The following CAST variants were observed in gnomAD, a reference collection of about 807,000 sequenced individuals.
CAST encodes the protein calpastatin.
Under a neutral mutation model 119.6 loss-of-function variants are expected in CAST, and 76 were observed. The ratio of observed to expected loss-of-function variants is 0.64; its 90% confidence interval spans 0.53 to 0.77. The LOEUF (loss-of-function observed/expected upper bound fraction) is 0.77, where lower values mean the gene tolerates loss of function less well. CAST is among the 30% of genes least tolerant of loss of function. The probability of loss-of-function intolerance (pLI) is 0.00; values close to 1 mark genes in which losing one functional copy is unlikely to be tolerated. For missense variants in CAST, 953 were observed against 946.5 expected, an observed-to-expected ratio of 1.01 and a Z score of -0.09; for synonymous variants, 319 against 331.6, an observed-to-expected ratio of 0.96 and a Z score of 0.41.
intron 1 of CAST, among the ~76,000 whole-genome samples, chr5:96,644,965 G>A (rs1747997400): frequency 6.6e-6 from 1 of 152,184 alleles, no homozygotes; most frequent in African/African-American, 2.4e-5. Flanking sequence ...GACAGAGTGA[G>A]AGTGTCTCAA....
chr5:96,195,771 C>T, the CAST span, among the ~76,000 whole-genome samples: 5 of 152,126 alleles, frequency 3.3e-5, no homozygotes, highest in Admixed American at 6.5e-5. Flanking sequence ...AAACAGATAA[C>T]ATGTTCATGC....
the CAST span, among the ~76,000 whole-genome samples, chr5:96,490,144 T>C: frequency 4.6e-5 from 7 of 152,350 alleles, no homozygotes; most frequent in South Asian, 2.1e-4. Flanking sequence ...CCTGCTTCTC[T>C]CTGTTCTTGG....
upstream of CAST, among the ~76,000 whole-genome samples, chr5:96,661,419 GA>G (rs34922511): frequency 0.023 from 2,056 of 88,272 alleles, 43 homozygotes; most frequent in Admixed American, 0.075. Flanking sequence ...TGCCTCTCCA[GA>G]AAAAAAAAAA....
At chr5:96,706,260 A>T (rs991688379) in intron 3 of CAST, among the ~76,000 whole-genome samples, 4 of 152,228 alleles carry the variant, frequency 2.6e-5, no homozygotes, top group Non-Finnish European at 4.4e-5. Flanking sequence ...TTGGCTAAAG[A>T]TTATAGAGTG....
intron 1 of CAST, among the ~76,000 whole-genome samples, chr5:96,595,121 A>C (rs1210680771): frequency 6.6e-6 from 1 of 152,216 alleles, no homozygotes; most frequent in Non-Finnish European, 1.5e-5. Flanking sequence ...CCATCTGCTT[A>C]CTCACAGAAA....
At chr5:96,316,009 C>T in the CAST span, among the ~76,000 whole-genome samples, 1 of 152,236 alleles carries the variant, frequency 6.6e-6, no homozygotes, top group East Asian at 1.9e-4. Context: ...TCAAGCCACG[C>T]AGAGAAAAAC....
chr5:95,972,612 C>T, the CAST span, among the ~76,000 whole-genome samples: 1 of 152,066 alleles, frequency 6.6e-6, no homozygotes, highest in African/African-American at 2.4e-5. Context: ...TTTATATAAT[C>T]TAGATACATG....
chr5:96,624,251 C>T (rs1011987895), intron 1 of CAST, among the ~76,000 whole-genome samples: 1 of 152,190 alleles, frequency 6.6e-6, no homozygotes, highest in Admixed American at 6.5e-5. Flanking sequence ...TCTACGCACA[C>T]CTCACTATGG....
At chr5:96,376,973 C>CTG in the CAST span, among the ~76,000 whole-genome samples, 3 of 151,698 alleles carry the variant, frequency 2.0e-5, no homozygotes, top group African/African-American at 7.3e-5. Context: ...TAGGCCTAGG[C>CTG]TGTGTGTGTT....
At chr5:96,750,357 A>G (rs1561577934) in intron 19 of CAST, among the ~76,000 whole-genome samples, 2 of 152,186 alleles carry the variant, frequency 1.3e-5, no homozygotes, top group Admixed American at 6.5e-5. Flanking sequence ...ACTCAGTTTC[A>G]CGAGTTTCAG....
chr5:96,030,598 A>G, the CAST span, among the ~76,000 whole-genome samples: 1 of 152,144 alleles, frequency 6.6e-6, no homozygotes, highest in African/African-American at 2.4e-5. Context: ...AAAATTTAGT[A>G]CAGGCTGGAA....
At chr5:96,262,786 C>T in the CAST span, among the ~76,000 whole-genome samples, 2 of 152,154 alleles carry the variant, frequency 1.3e-5, no homozygotes, top group Non-Finnish European at 2.9e-5. Context: ...CCGCCTGCCT[C>T]GGCTTCCCAA....
the CAST span, among the ~76,000 whole-genome samples, chr5:96,455,619 T>C: frequency 2.0e-5 from 3 of 152,216 alleles, no homozygotes; most frequent in South Asian, 2.1e-4. Flanking sequence ...TCTCCTCTCA[T>C]GAGCATGTCA....
chr5:96,729,485 CACAG>C (rs1210316711), intron 7 of CAST, 123 bp from the exon 8 acceptor site: 12 of 629,574 alleles, frequency 1.9e-5, no homozygotes, highest in African/African-American at 1.5e-4. Context: ...AATTTAGAAC[CACAG>C]ACAGCACAAC....
At chr5:95,979,634 G>A in the CAST span, among the ~76,000 whole-genome samples, 3 of 152,236 alleles carry the variant, frequency 2.0e-5, no homozygotes, top group Non-Finnish European at 4.4e-5. Context: ...ATTAGTTTAA[G>A]TTTACTAGTG....
intron 3 of CAST, among the ~76,000 whole-genome samples, chr5:96,710,504 C>T (rs897340807): frequency 4.6e-5 from 7 of 152,100 alleles, no homozygotes; most frequent in Non-Finnish European, 1.0e-4. Flanking sequence ...TGTCCCCCTT[C>T]CTCTCCCACT....
At chr5:96,406,030 G>C in the CAST span, among the ~76,000 whole-genome samples, 1 of 152,096 alleles carries the variant, frequency 6.6e-6, no homozygotes, top group Non-Finnish European at 1.5e-5. Context: ...ATAATCCATA[G>C]GACCCTATTT....
At chr5:96,538,202 G>A (rs1380929520) in intron 1 of CAST, among the ~76,000 whole-genome samples, 1 of 152,138 alleles carries the variant, frequency 6.6e-6, no homozygotes, top group Non-Finnish European at 1.5e-5. Flanking sequence ...CTCCACATAG[G>A]TTATCAAGAG....
the CAST span, among the ~76,000 whole-genome samples, chr5:96,089,988 C>G: frequency 6.6e-6 from 1 of 152,148 alleles, no homozygotes; most frequent in Non-Finnish European, 1.5e-5. Flanking sequence ...CTGTGTGACA[C>G]TCTGCAAATT....
Sources: allele counts gnomAD v4.1 joint callset (sites outside exome capture counted in the v4.1 genomes callset), GRCh38; gene constraint gnomAD v4.1.1; transcripts MANE v1.5; gene names NCBI Gene and HGNC (gene_info 2026-07-23, HGNC 2026-07-21).